Variants in NLRP7 observed in about 807,000 individuals in gnomAD.
NLRP7 encodes NACHT, LRR and PYD domains-containing protein 7.
In NLRP7, 72 loss-of-function variants were observed where a neutral mutation model predicts 85.5. That is an observed-to-expected ratio of 0.84 (90% confidence interval 0.70 to 1.02). The LOEUF (loss-of-function observed/expected upper bound fraction) is 1.02. Among genes scored for constraint, NLRP7 ranks in the 50% least tolerant of loss-of-function variants. The pLI is 0.00. For missense variants in NLRP7, 1,243 were observed against 1,219.5 expected (o/e 1.02, Z -0.29); for synonymous variants, 550 against 505.2 (o/e 1.09, Z -1.19).
Position 54,931,030 on chromosome 19 carries a change from C to A in NLRP7, c.2643-364G>T, listed in dbSNP as rs269954. Among the ~76,000 whole-genome samples, 92,836 of 151,774 alleles carry A rather than the reference C, an allele frequency of 0.61. 28,904 individuals carry two copies. Among genetic ancestry groups the A allele is most frequent in the East Asian group, 0.83 (4,216 of 5,076 alleles). On this transcript the variant is annotated intron_variant, in intron 8 of 9. Coordinates refer to ENST00000340844, the Ensembl canonical transcript of NLRP7. ...AGAGCGAGACTCCGTCTCAAGAAAA[C>A]AACAACAACAACAAAAAGTATTTAT...
intron 9 of NLRP7, among the ~76,000 whole-genome samples, chr19:54,928,213 C>T (rs535824105): frequency 6.2e-4 from 94 of 152,216 alleles, no homozygotes; most frequent in African/African-American, 2.3e-3. Context: ...GAATGAGACT[C>T]CATCTCACAA....
chr19:54,957,187 A>AT (rs1274476508), intron 1 of NLRP7, among the ~76,000 whole-genome samples: 1 of 149,568 alleles, frequency 6.7e-6, no homozygotes, highest in East Asian at 2.0e-4. Context: ...CACCTGGCTA[A>AT]TTTTTGTATT....
intron 1 of NLRP7, 33 bp from the exon 2 acceptor site, chr19:54,941,783 T>C (rs532222747): frequency 3.2e-5 from 47 of 1,491,330 alleles, no homozygotes; most frequent in African/African-American, 1.3e-4. Context: ...AGTTCACGAG[T>C]TACCATCATT....
rs568556706 is a variant in NLRP7 at position 54,946,669 on chromosome 19, G to A, written c.-40+800C>T. On this transcript the variant is annotated intron_variant, in intron 1 of 9. Transcript: ENST00000340844. ...CTTCTTTGTTTTTTGAGACGGAGTC[G>A]CACTCTGTCTCCCAGGCTGGAGTGC... is the stretch of plus-strand genomic sequence containing the variant. 1.1e-4 allele frequency among the ~76,000 whole-genome samples: 16 copies of A among 145,810 alleles called. No individual in the cohort carries two copies. In the South Asian group the frequency reaches 1.6e-3, roughly 14 times the overall value.
exon 6 of NLRP7, chr19:54,936,417 G>A: frequency 6.2e-7 from 1 of 1,614,062 alleles, no homozygotes. Flanking sequence ...GGTGTCAGGG[G>A]TGACGTTTTT....
chr19:54,938,194 G>A, exon 5 of NLRP7: 1 of 1,614,138 alleles, frequency 6.2e-7, no homozygotes, highest in South Asian at 1.1e-5. Context: ...GAGGCGAAGA[G>A]AGCGAAGATC....
At chr19:54,937,774 G>A (rs1197574684) in intron 5 of NLRP7, among the ~76,000 whole-genome samples, 1 of 151,772 alleles carries the variant, frequency 6.6e-6, no homozygotes, top group Non-Finnish European at 1.5e-5. Flanking sequence ...GCACATGCCT[G>A]TAATCCCAGC....
exon 4 of NLRP7, chr19:54,939,293 C>G: frequency 1.2e-6 from 2 of 1,614,118 alleles, no homozygotes; most frequent in Non-Finnish European, 1.7e-6. Flanking sequence ...GTTCTTGAGT[C>G]TTTCTTCTCC....
At position 54,934,595 on chromosome 19, in the gene NLRP7, G is replaced by C. The variant is rs1479921724; in HGVS notation, c.2365C>G (p.Gln789Glu). Reference sequence around the variant, plus strand: ...GAGAGACGCAGGTGCTTCAGGGACTGGTTGGCTTTGAGGACATAGAAGAAT... The same window carrying C: ...GAGAGACGCAGGTGCTTCAGGGACTCGTTGGCTTTGAGGACATAGAAGAAT... Residue 789 changes from glutamine (Q) to glutamate (E), a missense_variant, in exon 7 of 10, where the codon CAG becomes GAG. By Grantham distance (29) the Gln-to-Glu change is conservative. Transcript: ENST00000340844. This position sits in a 1 kb window ranked among gnomAD's most constrained non-coding sequence, Gnocchi z 6.7. The C allele has an allele frequency of 1.2e-6, 2 of 1,614,112 alleles. No individual in the cohort carries two copies. Among genetic ancestry groups the C allele is most frequent in the Admixed American group, 1.7e-5 (1 of 60,008 alleles).
intron 1 of NLRP7, among the ~76,000 whole-genome samples, chr19:54,952,855 C>CA (rs980284716): frequency 4.1e-4 from 62 of 151,400 alleles, no homozygotes; most frequent in Middle Eastern, 3.4e-3. Flanking sequence ...AGGCATTCTC[C>CA]AAAAAAAACA....
At chr19:54,926,263 G>A (rs909547098) in intron 9 of NLRP7, among the ~76,000 whole-genome samples, 1 of 151,290 alleles carries the variant, frequency 6.6e-6, no homozygotes, top group Admixed American at 6.6e-5. Context: ...CTTCCAGTCT[G>A]TACTCCAGGA....
rs61746602 is a variant in NLRP7, at chr19:54,939,052, G to A, written c.1767C>T (p.Ala589=). ...GGTGAATAGAAATTTCCTTGAACGG[G>A]GCCACCACCACCTTCGCCAGCTCCT... is the stretch of plus-strand genomic sequence containing the variant. The change falls in exon 4 of 10, where the codon GCC becomes GCT. Residue 589 remains alanine, a synonymous_variant. Coordinates refer to ENST00000340844, the Ensembl canonical transcript of NLRP7. 1.4e-5 allele frequency: 23 copies of A among 1,614,026 alleles called. No individual in the cohort carries two copies. Among genetic ancestry groups the A allele is most frequent in the Middle Eastern group, 1.6e-4 (1 of 6,084 alleles).
chr19:54,938,496 G>A (rs1033074106), intron 4 of NLRP7, among the ~76,000 whole-genome samples: 2 of 152,140 alleles, frequency 1.3e-5, no homozygotes, highest in African/African-American at 4.8e-5. Context: ...GGCCAAAGTG[G>A]GAAGATCACT....
intron 1 of NLRP7, among the ~76,000 whole-genome samples, chr19:54,943,410 G>A (rs2069321308): frequency 6.6e-6 from 1 of 152,096 alleles, no homozygotes. Flanking sequence ...GACCATCCTG[G>A]CTAACACGGT....
Position 54,930,515 on chromosome 19 carries a change from TAC to T in NLRP7, c.2792_2793del (p.Cys931Ter), listed in dbSNP as rs747661408. ...ATCGCCTACCGTAGGTGTTTTAGGT[TAC>T]AGTTTGGATTCTCTAATGCCTGACA... On this transcript the variant is annotated frameshift_variant, in exon 9 of 10. Coordinates refer to ENST00000340844, the Ensembl canonical transcript of NLRP7. LOFTEE classifies it high-confidence loss of function. The T allele has an allele frequency of 3.7e-6, 6 of 1,610,206 alleles. No homozygotes were observed. The Admixed American group carries it at 1.0e-4, about 27-fold the overall frequency.
upstream of NLRP7, among the ~76,000 whole-genome samples, chr19:54,949,265 C>A (rs1374808136): frequency 6.8e-6 from 1 of 146,772 alleles, no homozygotes; most frequent in African/African-American, 2.5e-5. Flanking sequence ...GCGACAGAGA[C>A]TCCATCTTTA....
chr19:54,958,906 CAG>C (rs981830189), intron 1 of NLRP7, among the ~76,000 whole-genome samples: 6 of 152,212 alleles, frequency 3.9e-5, no homozygotes, highest in Admixed American at 6.6e-5. Context: ...GGATACATAA[CAG>C]GGGTTTCGTG....
Position 54,954,476 on chromosome 19 carries a change from G to A in NLRP7, c.-76-6971C>T, listed in dbSNP as rs561341071. On this transcript the variant is annotated intron_variant, in intron 1 of 2. Transcript: ENST00000587103. Reference sequence around the variant, plus strand: ...ACCCAGGAGGCGGAGCTTGCAGTGAGCCGAGATAGTGCCACTGCACTCTGG... The same window carrying A: ...ACCCAGGAGGCGGAGCTTGCAGTGAACCGAGATAGTGCCACTGCACTCTGG... Among the ~76,000 whole-genome samples, 50 of 127,768 alleles carry A rather than the reference G, an allele frequency of 3.9e-4. 2 individuals are homozygous for A. Among genetic ancestry groups the A allele is most frequent in the African/African-American group, 1.4e-3 (43 of 31,204 alleles). 83.8% of individuals were successfully genotyped at this position (127,768 alleles called of 152,430 possible).
At chr19:54,950,117 G>A (rs2069621685), upstream of NLRP7, among the ~76,000 whole-genome samples, 1 of 151,458 alleles carries the variant, frequency 6.6e-6, no homozygotes, top group Admixed American at 6.6e-5. Context: ...AAAAAAACCA[G>A]GAAAGAGTTC....
Sources: allele counts gnomAD v4.1 joint callset (sites outside exome capture counted in the v4.1 genomes callset), GRCh38; gene constraint gnomAD v4.1.1; non-coding constraint Gnocchi (gnomAD v3.1); transcripts MANE v1.5; gene names NCBI Gene and HGNC (gene_info 2026-07-23, HGNC 2026-07-21).